The following GTF3C1 variants were observed in gnomAD, a reference collection of about 807,000 sequenced individuals.
GTF3C1 encodes general transcription factor IIIC subunit 1, also known as general transcription factor 3C polypeptide 1.
GTF3C1 carries 57 observed loss-of-function variants against 226.7 expected under a neutral mutation model. That is an observed-to-expected ratio of 0.25 (90% CI 0.20 to 0.31). GTF3C1 has a LOEUF of 0.31. Among genes scored for constraint, GTF3C1 ranks in the 10% least tolerant of loss-of-function variants. GTF3C1 has a pLI of 1.00. For missense variants in GTF3C1, 2,217 were observed against 2,776.1 expected (o/e 0.80, Z 4.53); for synonymous variants, 1,090 against 1,084.8 (o/e 1.00, Z -0.09).
At chr16:27,479,523 G>T (rs918276911) in intron 27 of GTF3C1, among the ~76,000 whole-genome samples, 9 of 152,174 alleles carry the variant, frequency 5.9e-5, no homozygotes, top group African/African-American at 2.2e-4. Flanking sequence ...CCAAGAAAAA[G>T]AAACTTTTCA....
chr16:27,511,887 C>A lies in GTF3C1; in HGVS notation c.988G>T (p.Val330Phe), dbSNP rs747870100. 6.2e-7 allele frequency: 1 copy of A among 1,614,098 alleles called. No individual in the cohort carries two copies. The highest frequency in any genetic ancestry group is 1.1e-5 in the South Asian group (1 of 91,080). ...CKTKKGTDVM[V>F]RCLKLLKEFK... is the part of the protein sequence containing the mutation. The stretch of plus-strand genomic sequence containing the variant: ...TCCTTCAGCAGCTTGAGGCACCGAA[C>A]CATGACGTCGGTCCCTGGCAACACA... Residue 330 changes from valine (V) to phenylalanine (F), a missense_variant, in exon 7 of 37, where the codon GTT becomes TTT. Coordinates refer to ENST00000356183, the MANE Select transcript of GTF3C1 (RefSeq NM_001520.4).
chr16:27,462,360 G>C lies in GTF3C1; in HGVS notation c.6051C>G (p.Pro2017=), dbSNP rs757176275. The C allele has an allele frequency of 2.5e-6, 4 of 1,589,070 alleles. No homozygotes were observed. The highest frequency in any genetic ancestry group is 3.6e-5 in the Admixed American group (2 of 56,140). ...GGTAGTGGCGCAGCAGGGAGCTCTC[G>C]GGGATGCCAGGCCTGGTCATGATGT... ...LYHIMTRPGI[P]ESSLLRHYQG... The change falls in exon 36 of 37, where the codon CCC becomes CCG. Residue 2017 remains proline (P), a synonymous_variant. Transcript: ENST00000356183. This position sits in a 1 kb window ranked among gnomAD's most constrained non-coding sequence, Gnocchi z 4.5.
rs981480073 is a variant in GTF3C1 at position 27,478,664 on chromosome 16, G to A, written c.4197-133C>T. The A allele has an allele frequency of 4.4e-5, 33 of 743,680 alleles. 1 individual carries two copies. The highest frequency in any genetic ancestry group is 3.7e-4 in the Admixed American group (20 of 54,324). The allele number at this position is 743,680 out of a possible 1,614,324, so 46.1% of individuals were successfully genotyped here. On this transcript the variant is annotated intron_variant, in intron 27 of 36. Transcript: ENST00000356183. ...AGAAATGTTAAACTCACCAAATGTC[G>A]AGTGCTGTGCATGTAAATTAAAATG...
chr16:27,540,670 G>A (rs546037576), intron 2 of GTF3C1, among the ~76,000 whole-genome samples: 1 of 152,160 alleles, frequency 6.6e-6, no homozygotes, highest in South Asian at 2.1e-4. Context: ...GGCTACTGGA[G>A]AAAAAAATTT....
intron 6 of GTF3C1, among the ~76,000 whole-genome samples, chr16:27,513,503 G>A (rs2141413944): frequency 6.6e-6 from 1 of 152,254 alleles, no homozygotes; most frequent in Middle Eastern, 3.4e-3. Context: ...AAGAGAGGCA[G>A]TAGGATCAGC....
At chr16:27,539,270 C>T (rs990175231) in intron 2 of GTF3C1, among the ~76,000 whole-genome samples, 1 of 152,064 alleles carries the variant, frequency 6.6e-6, no homozygotes, top group Non-Finnish European at 1.5e-5. Flanking sequence ...GAAGGCCAGA[C>T]CTTGCCTTCA....
At chr16:27,511,726 G>C (rs2141411048) in intron 7 of GTF3C1, 23 bp downstream of exon 7, 1 of 1,610,736 alleles carries the variant, frequency 6.2e-7, no homozygotes, top group Middle Eastern at 1.7e-4. Context: ...CCATATCCAA[G>C]CTGGCATGGG....
intron 27 of GTF3C1, 180 bp from the exon 28 acceptor site, chr16:27,478,711 G>A: frequency 1.7e-6 from 1 of 600,502 alleles, no homozygotes; most frequent in South Asian, 2.0e-5. Flanking sequence ...TGTCCTGCCT[G>A]TTATAAAAAG....
At chr16:27,526,612 T>A (rs975855406) in intron 6 of GTF3C1, among the ~76,000 whole-genome samples, 2 of 152,250 alleles carry the variant, frequency 1.3e-5, no homozygotes, top group Non-Finnish European at 2.9e-5. Flanking sequence ...TTTTTGGCTA[T>A]CGCCCTTCAC....
chr16:27,541,238 C>A (rs2089077434), intron 2 of GTF3C1, among the ~76,000 whole-genome samples: 1 of 152,162 alleles, frequency 6.6e-6, no homozygotes, highest in South Asian at 2.1e-4. Flanking sequence ...AAGAAGCATG[C>A]CTGCTCCTGG....
rs899984965 is a variant in GTF3C1, at chr16:27,539,004, CTTT to C, written c.432-651_432-649del. On this transcript the variant is annotated intron_variant, in intron 2 of 36. Transcript: ENST00000356183. ...CACACACACACACACACACACTCATCTTTTTTTTTTTTTTTTTTTTTGCCAACA... is the reference window on the plus strand; with the variant it reads ...CACACACACACACACACACACTCATCTTTTTTTTTTTTTTTTTTGCCAACA... 3.6e-4 allele frequency among the ~76,000 whole-genome samples: 37 copies of C among 103,894 alleles called. No homozygotes were observed. The East Asian group carries it at 4.0e-3, about 11-fold the overall frequency. 68.2% of individuals were successfully genotyped at this position (103,894 alleles called of 152,430 possible).
chr16:27,511,006 T>C (rs2088564203), intron 7 of GTF3C1, among the ~76,000 whole-genome samples: 1 of 152,224 alleles, frequency 6.6e-6, no homozygotes, highest in African/African-American at 2.4e-5. Context: ...CCTCATAATG[T>C]GCTAGTGTGG....
intron 1 of GTF3C1, 39 bp downstream of exon 1, chr16:27,549,631 G>GCCCCCCCCC: frequency 1.4e-6 from 1 of 691,952 alleles, no homozygotes; most frequent in South Asian, 1.7e-5. Flanking sequence ...CGGGCCCTGC[G>GCCCCCCCCC]CCCGCCCGCC....
At chr16:27,538,414 A>C (rs756426880) in intron 2 of GTF3C1, 58 bp from the exon 3 acceptor site, 22 of 1,071,100 alleles carry the variant, frequency 2.1e-5, no homozygotes, top group Non-Finnish European at 2.8e-5. Flanking sequence ...AGGAAAACTG[A>C]GATAAGAAAA....
intron 29 of GTF3C1, among the ~76,000 whole-genome samples, chr16:27,474,115 G>T (rs2087918061): frequency 6.6e-6 from 1 of 152,198 alleles, no homozygotes; most frequent in African/African-American, 2.4e-5. Flanking sequence ...AACCTTGAGG[G>T]GAGCCTCGCG....
rs2087733474 is a variant in GTF3C1 at position 27,463,399 on chromosome 16, C to G, written c.5924+142G>C. On this transcript the variant is annotated intron_variant, in intron 35 of 36. Coordinates refer to ENST00000356183, the MANE Select transcript of GTF3C1 (RefSeq NM_001520.4). This position sits in a 1 kb window ranked among gnomAD's most constrained non-coding sequence, Gnocchi z 4.9. Reference sequence around the variant, plus strand: ...TCGCCCACTGCGCCCCTCCAAGTACCCCTGCCAAGAACCAAGGTGCCGGGC... The same window carrying G: ...TCGCCCACTGCGCCCCTCCAAGTACGCCTGCCAAGAACCAAGGTGCCGGGC... The G allele has an allele frequency of 1.5e-6, 1 of 678,650 alleles. No individual in the cohort carries two copies. The highest frequency in any genetic ancestry group is 2.5e-5 in the East Asian group (1 of 39,816). The allele number at this position is 678,650 out of a possible 1,614,324, so 42.0% of individuals were successfully genotyped here.
intron 15 of GTF3C1, 68 bp downstream of exon 15, chr16:27,495,143 A>G: frequency 8.4e-7 from 1 of 1,191,878 alleles, no homozygotes; most frequent in South Asian, 1.3e-5. Flanking sequence ...AGGAACTATC[A>G]TGTTTCTCCC....
chr16:27,509,517 G>A (rs1303726422), intron 7 of GTF3C1, among the ~76,000 whole-genome samples: 1 of 152,118 alleles, frequency 6.6e-6, no homozygotes, highest in Non-Finnish European at 1.5e-5. Flanking sequence ...CAGCACTTTG[G>A]GAGGCTGAGG....
intron 2 of GTF3C1, 113 bp downstream of exon 2, chr16:27,545,201 T>A: frequency 1.3e-6 from 1 of 776,576 alleles, no homozygotes; most frequent in Middle Eastern, 3.0e-4. Context: ...GGTCTTGAAC[T>A]CCTGGCCTCA....
Sources: gnomAD v4.1 joint callset for allele counts (sites outside exome capture counted in the v4.1 genomes callset) on GRCh38, gnomAD v4.1.1 for gene constraint, Gnocchi (gnomAD v3.1) non-coding constraint, MANE v1.5 for transcripts, NCBI Gene and HGNC (gene_info 2026-07-23, HGNC 2026-07-21) for gene names.